ZMYM2: variants seen among roughly 807,000 people sequenced by gnomAD.
The protein encoded by ZMYM2 is zinc finger MYM-type containing 2, also known as zinc finger MYM-type protein 2.
Under a neutral mutation model 162.8 loss-of-function variants are expected in ZMYM2, and 56 were observed. That is an observed-to-expected ratio of 0.34 (90% CI 0.28 to 0.43). ZMYM2 has a LOEUF of 0.43. ZMYM2 is among the 20% of genes least tolerant of loss of function. The pLI, the probability that ZMYM2 is intolerant of heterozygous loss-of-function variation, is 1.00. For missense variants in ZMYM2, 1,275 were observed against 1,621.8 expected (o/e 0.79, Z 3.67); for synonymous variants, 510 against 541.6 (o/e 0.94, Z 0.81).
At chr13:19,911,221 T>C in the ZMYM2 span, among the ~76,000 whole-genome samples, 2 of 151,974 alleles carry the variant, frequency 1.3e-5, no homozygotes, top group African/African-American at 4.8e-5. Flanking sequence ...CATGCTTGGC[T>C]AATTTTTTTG....
chr13:20,055,212 G>A (rs1472906591), intron 14 of ZMYM2, among the ~76,000 whole-genome samples: 1 of 152,084 alleles, frequency 6.6e-6, no homozygotes, highest in Non-Finnish European at 1.5e-5. Context: ...AGATAATTGT[G>A]CAGTCAGTCC....
intron 7 of ZMYM2, among the ~76,000 whole-genome samples, chr13:20,020,608 C>T (rs566815107): frequency 6.6e-6 from 1 of 152,290 alleles, no homozygotes; most frequent in South Asian, 2.1e-4. Flanking sequence ...CTGCCACTTT[C>T]CCACAGTCAC....
At chr13:19,957,809 C>T (rs1257103283), upstream of ZMYM2, among the ~76,000 whole-genome samples, 1 of 152,152 alleles carries the variant, frequency 6.6e-6, no homozygotes, top group African/African-American at 2.4e-5. Flanking sequence ...AGCCCAGCTC[C>T]AGGGGAGCCC....
At position 20,003,231 on chromosome 13, in the gene ZMYM2, TTCCCTA is replaced by T. The variant is rs1436133456; in HGVS notation, c.1133+99_1133+104del. 4 of 1,401,390 alleles carry T rather than the reference TTCCCTA, an allele frequency of 2.9e-6. No individual in the cohort carries two copies. The East Asian group carries it at 7.5e-5, about 26-fold the overall frequency. 86.8% of individuals were successfully genotyped at this position (1,401,390 alleles called of 1,614,324 possible). A position where few individuals can be genotyped will look rare whatever the true frequency, so the allele number is the denominator to read the frequency against. ...ACAGATTTGTAATACCTTTGGAAAC[TTCCCTA>T]TCAAGTCCAGGTGGCATATGGATAA... On this transcript the variant is annotated intron_variant, in intron 4 of 24. Coordinates refer to ENST00000610343, the MANE Select transcript of ZMYM2 (RefSeq NM_197968.4).
chr13:19,959,894 G>C (rs747453090), intron 1 of ZMYM2, 64 bp from the exon 2 acceptor site: 2 of 152,238 alleles, frequency 1.3e-5, no homozygotes, highest in African/African-American at 4.8e-5. Flanking sequence ...CTGGCAGAAA[G>C]GGTTGGGTTC....
At chr13:19,883,884 G>A in the ZMYM2 span, among the ~76,000 whole-genome samples, 1 of 152,120 alleles carries the variant, frequency 6.6e-6, no homozygotes, top group East Asian at 1.9e-4. Flanking sequence ...CGCCTCCCGC[G>A]TAGCTGGGAT....
intron 7 of ZMYM2, among the ~76,000 whole-genome samples, chr13:20,021,358 G>A (rs9579766): frequency 0.12 from 13,884 of 114,596 alleles, 1,096 homozygotes; most frequent in African/African-American, 0.25. Flanking sequence ...AATGAGTCAT[G>A]TTTTCCTGCT....
intron 21 of ZMYM2, among the ~76,000 whole-genome samples, chr13:20,078,251 G>T (rs1175383918): frequency 2.0e-5 from 3 of 152,036 alleles, no homozygotes; most frequent in Non-Finnish European, 2.9e-5. Context: ...ATTAATGGTG[G>T]ATTATTTTAT....
intron 6 of ZMYM2, among the ~76,000 whole-genome samples, chr13:20,015,553 T>C (rs1489761228): frequency 6.6e-6 from 1 of 152,218 alleles, no homozygotes; most frequent in Non-Finnish European, 1.5e-5. Flanking sequence ...GTAAATGGTG[T>C]ATTGATGTCT....
At chr13:20,068,021 G>A (rs777011467) in intron 21 of ZMYM2, 3 of 168,490 alleles carry the variant, frequency 1.8e-5, no homozygotes, top group South Asian at 4.0e-4. Context: ...GTTAGATAAT[G>A]AAGTAAATCA....
intron 9 of ZMYM2, chr13:20,028,089 T>C (rs1952748710): frequency 5.7e-6 from 1 of 175,554 alleles, no homozygotes; most frequent in South Asian, 2.0e-4. Flanking sequence ...GTTAATTTAT[T>C]TAAACTGCAA....
chr13:20,079,433 T>TTA, intron 21 of ZMYM2, among the ~76,000 whole-genome samples: 1 of 150,964 alleles, frequency 6.6e-6, no homozygotes, highest in Non-Finnish European at 1.5e-5. Flanking sequence ...GCCTATTCTA[T>TTA]CTATAAGTTG....
intron 21 of ZMYM2, chr13:20,070,929 C>G (rs765096827): frequency 6.6e-6 from 1 of 151,526 alleles, no homozygotes. Context: ...GACCAATAAG[C>G]CATTGTCTTT....
At chr13:20,054,273 G>C (rs1387026774) in intron 14 of ZMYM2, among the ~76,000 whole-genome samples, 1 of 152,206 alleles carries the variant, frequency 6.6e-6, no homozygotes, top group Non-Finnish European at 1.5e-5. Context: ...CCTACCTCAT[G>C]TTGAATACTA....
chr13:20,006,707 A>G, intron 6 of ZMYM2, 121 bp downstream of exon 6: 4 of 1,036,284 alleles, frequency 3.9e-6, no homozygotes, highest in East Asian at 2.6e-5. Flanking sequence ...TAATTCCATT[A>G]TTGTTGTCAT....
At chr13:19,976,694 A>G (rs1178963779) in intron 2 of ZMYM2, among the ~76,000 whole-genome samples, 1 of 152,238 alleles carries the variant, frequency 6.6e-6, no homozygotes, top group African/African-American at 2.4e-5. Flanking sequence ...GTTTTCAGGT[A>G]GCATGATGTC....
intron 19 of ZMYM2, 146 bp from the exon 20 acceptor site, chr13:20,066,705 T>TA (rs1191430465): frequency 4.0e-5 from 27 of 666,780 alleles, no homozygotes; most frequent in Non-Finnish European, 5.6e-5. Context: ...CAGAAAAACA[T>TA]ACGTGTCCAA....
chr13:19,989,864 G>A (rs1566232358), intron 2 of ZMYM2, among the ~76,000 whole-genome samples: 1 of 152,104 alleles, frequency 6.6e-6, no homozygotes. Context: ...AAAGTCATCA[G>A]TATACCTTGT....
chr13:19,880,113 G>A, the ZMYM2 span, among the ~76,000 whole-genome samples: 16,267 of 152,076 alleles, frequency 0.11, 1,002 homozygotes, highest in Middle Eastern at 0.14. Context: ...TACCATGACT[G>A]AATTACACCA....
Sources: gnomAD v4.1 joint callset for allele counts (sites outside exome capture counted in the v4.1 genomes callset) on GRCh38, gnomAD v4.1.1 for gene constraint, MANE v1.5 for transcripts, NCBI Gene and HGNC (gene_info 2026-07-23, HGNC 2026-07-21) for gene names.